The following CYFIP1 variants were observed in gnomAD, a reference collection of about 807,000 sequenced individuals.
The protein encoded by CYFIP1 is cytoplasmic FMR1-interacting protein 1.
In CYFIP1, 58 loss-of-function variants were observed where a neutral mutation model predicts 163.5. The observed-to-expected ratio is 0.35, with a 90% CI of 0.29 to 0.44. CYFIP1 has a LOEUF of 0.44. Ranked by LOEUF, CYFIP1 falls within the 20% of genes least tolerant of loss-of-function variation. CYFIP1 has a pLI of 1.00. For missense variants in CYFIP1, 1,338 were observed against 1,653.8 expected (o/e 0.81, Z 3.31); for synonymous variants, 663 against 660.7 (o/e 1.00, Z -0.05).
intron 30 of CYFIP1, among the ~76,000 whole-genome samples, chr15:22,871,634 G>A (rs762155409): frequency 2.0e-5 from 3 of 152,158 alleles, no homozygotes; most frequent in Non-Finnish European, 4.4e-5. Context: ...GAGTATCTGG[G>A]GTTGTCCAGT....
chr15:22,902,170 G>A (rs1409596284), intron 22 of CYFIP1, among the ~76,000 whole-genome samples: 3 of 152,224 alleles, frequency 2.0e-5, no homozygotes, highest in Non-Finnish European at 4.4e-5. Context: ...GGTCCCCCAT[G>A]GGTCCAGGGG....
chr15:22,966,441 G>A (rs1241948829), intron 1 of CYFIP1, among the ~76,000 whole-genome samples: 1 of 151,576 alleles, frequency 6.6e-6, no homozygotes, highest in Admixed American at 6.6e-5. Context: ...CAAGGACGCA[G>A]GGAGAGGACG....
At chr15:22,936,852 A>G (rs1403004455) in intron 9 of CYFIP1, among the ~76,000 whole-genome samples, 1 of 152,206 alleles carries the variant, frequency 6.6e-6, no homozygotes, top group African/African-American at 2.4e-5. Context: ...GGCTGGTGAC[A>G]GCAGCTGGAC....
At chr15:22,884,838 C>T (rs772106807) in intron 23 of CYFIP1, among the ~76,000 whole-genome samples, 5 of 152,100 alleles carry the variant, frequency 3.3e-5, no homozygotes, top group Non-Finnish European at 5.9e-5. Context: ...TCCAACACCA[C>T]GCGGAAGCCA....
intron 5 of CYFIP1, 28 bp from the exon 6 acceptor site, chr15:22,943,382 A>T: frequency 6.2e-7 from 1 of 1,609,056 alleles, no homozygotes; most frequent in Non-Finnish European, 8.5e-7. Flanking sequence ...GAGGGCAGAA[A>T]GCTGCAGGTC....
rs145302925 is a variant in CYFIP1, at chr15:22,883,997, G to A, written c.2677-986C>T. ...GCCCCTTATAAAACCATCAGATCTC[G>A]TGAGAACTCACTCACTATCACAAGA... On this transcript the variant is annotated intron_variant, in intron 23 of 30. Transcript: ENST00000617928. Among the ~76,000 whole-genome samples the A allele has an allele frequency of 3.3e-5, 5 of 152,200 alleles. No homozygotes were observed. The East Asian group carries it at 7.7e-4, about 24-fold the overall frequency.
chr15:22,971,160 C>T (rs2063081876), intron 1 of CYFIP1, among the ~76,000 whole-genome samples: 2 of 152,164 alleles, frequency 1.3e-5, no homozygotes. Flanking sequence ...AACTATAAAA[C>T]TCTTAGAAGA....
chr15:22,959,995 A>G (rs554403645), intron 1 of CYFIP1, among the ~76,000 whole-genome samples: 1 of 152,314 alleles, frequency 6.6e-6, no homozygotes, highest in East Asian at 1.9e-4. Context: ...TGGCCCTGCC[A>G]GGGTCTGGCA....
chr15:22,908,831 G>C (rs531652954), intron 21 of CYFIP1, among the ~76,000 whole-genome samples: 156 of 152,140 alleles, frequency 1.0e-3, no homozygotes, highest in African/African-American at 3.7e-3. Context: ...GCCAGCCAAA[G>C]TTAAACATTT....
At chr15:22,910,477 A>T in intron 20 of CYFIP1, 43 bp downstream of exon 20, 1 of 1,539,322 alleles carries the variant, frequency 6.5e-7, no homozygotes, top group Non-Finnish European at 9.0e-7. Flanking sequence ...CAGTCTTTTC[A>T]ATGCACACTC....
At chr15:22,968,748 A>T (rs1472530785) in intron 1 of CYFIP1, among the ~76,000 whole-genome samples, 1 of 152,178 alleles carries the variant, frequency 6.6e-6, no homozygotes, top group Non-Finnish European at 1.5e-5. Context: ...GTTCATATGC[A>T]CAAGTCTACT....
chr15:22,883,111 G>A lies in CYFIP1; in HGVS notation c.2677-100C>T, dbSNP rs2141889456. 1.4e-6 allele frequency: 2 copies of A among 1,421,018 alleles called. 1 individual carries two copies. The highest frequency in any genetic ancestry group is 2.7e-5 in the South Asian group (2 of 74,402). The allele number at this position is 1,421,018 out of a possible 1,614,324, so 88.0% of individuals were successfully genotyped here. A position where few individuals can be genotyped will look rare whatever the true frequency, so the allele number is the denominator to read the frequency against. On this transcript the variant is annotated intron_variant, in intron 23 of 30. Transcript: ENST00000617928. Reference sequence around the variant, plus strand: ...ACTCAACACACACAGGCTCAGGTGAGCGGGTCTGAGTCTACTGACTTGTAA... The same window carrying A: ...ACTCAACACACACAGGCTCAGGTGAACGGGTCTGAGTCTACTGACTTGTAA...
Position 22,868,939 on chromosome 15 carries a change from A to AGTT in CYFIP1, c.*1086_*1088dup, listed in dbSNP as rs1298770038. On this transcript the variant is annotated 3_prime_UTR_variant, in exon 31 of 31. Coordinates refer to ENST00000617928, the MANE Select transcript of CYFIP1 (RefSeq NM_014608.6). ...GCATAGCATCTTTTTCCATTCAGTT[A>AGTT]GTTAGGATTTTCAGAACCTCATTGC... is the stretch of plus-strand genomic sequence containing the variant. 1.4e-4 allele frequency: 1 copy of AGTT among 7,228 alleles called. No homozygotes were observed. Among genetic ancestry groups the AGTT allele is most frequent in the Non-Finnish European group, 2.4e-4 (1 of 4,210 alleles). The allele number at this position is 7,228 out of a possible 1,614,324, so 0.4% of individuals were successfully genotyped here.
chr15:22,967,543 C>CT (rs2062953333), intron 1 of CYFIP1, among the ~76,000 whole-genome samples: 1 of 152,184 alleles, frequency 6.6e-6, no homozygotes, highest in African/African-American at 2.4e-5. Flanking sequence ...TTCACACACA[C>CT]TTCCAGGGCC....
chr15:22,890,500 C>A (rs1334072013), intron 23 of CYFIP1, among the ~76,000 whole-genome samples: 1 of 152,124 alleles, frequency 6.6e-6, no homozygotes, highest in Admixed American at 6.5e-5. Flanking sequence ...AGGAGAGGCC[C>A]GGTCACTGCA....
intron 13 of CYFIP1, among the ~76,000 whole-genome samples, chr15:22,919,775 C>A (rs1846124751): frequency 6.6e-6 from 1 of 152,152 alleles, no homozygotes; most frequent in Admixed American, 6.5e-5. Flanking sequence ...ATAATCCTGG[C>A]ACTTTGGGAG....
chr15:22,952,658 T>TGAAAAAAAAAAAAA (rs2062294109), intron 1 of CYFIP1, among the ~76,000 whole-genome samples: 1 of 1,852 alleles, frequency 5.4e-4, no homozygotes, highest in Non-Finnish European at 9.0e-4. Flanking sequence ...AGACTCCATC[T>TGAAAAAAAAAAAAA]CAAAAAAAAA....
intron 11 of CYFIP1, among the ~76,000 whole-genome samples, chr15:22,928,679 T>G (rs1475047861): frequency 6.6e-6 from 1 of 152,170 alleles, no homozygotes; most frequent in Non-Finnish European, 1.5e-5. Context: ...TTTAAACATG[T>G]GACCTATGGG....
chr15:22,906,972 T>A (rs1370694377), intron 21 of CYFIP1, among the ~76,000 whole-genome samples: 1 of 152,264 alleles, frequency 6.6e-6, no homozygotes. Flanking sequence ...ATAAGCTCTC[T>A]CATGCTTCTG....
Sources: gnomAD v4.1 joint callset for allele counts (sites outside exome capture counted in the v4.1 genomes callset) on GRCh38, gnomAD v4.1.1 for gene constraint, MANE v1.5 for transcripts, NCBI Gene and HGNC (gene_info 2026-07-23, HGNC 2026-07-21) for gene names.